Variants in DUOX2 observed in about 807,000 individuals in gnomAD.
DUOX2 encodes the protein NADH/NADPH thyroid oxidase p138-tox.
DUOX2 carries 185 observed loss-of-function variants against 183.3 expected under a neutral mutation model. The ratio of observed to expected loss-of-function variants is 1.01; its 90% CI spans 0.90 to 1.14. DUOX2 has a LOEUF of 1.14. DUOX2 is among the 50% of genes most tolerant of loss of function. The pLI, the probability that DUOX2 is intolerant of heterozygous loss-of-function variation, is 0.00. For missense variants in DUOX2, 1,999 were observed against 2,022.9 expected, an observed-to-expected ratio of 0.99 and a Z score of 0.23; for synonymous variants, 788 against 812.4, an observed-to-expected ratio of 0.97 and a Z score of 0.51.
At chr15:45,110,380 C>A in intron 9 of DUOX2, 48 bp downstream of exon 9, 7 of 1,557,884 alleles carry the variant, frequency 4.5e-6, no homozygotes, top group Non-Finnish European at 6.1e-6. Flanking sequence ...GCAGCTCATT[C>A]TGCACCTTTC....
rs1444264772 is a variant in DUOX2, at chr15:45,095,769, G to A, written c.4080+59C>T. On this transcript the variant is annotated intron_variant, in intron 30 of 33. Transcript: ENST00000389039. ...GAGCTTCTAGTCTCAGGATAGGGAA[G>A]GGCAGAGATCCTCTGCCAGTGCCAG... The A allele has an allele frequency of 3.9e-6, 6 of 1,556,040 alleles. No individual in the cohort carries two copies. In the Admixed American group the frequency reaches 5.1e-5, roughly 13 times the overall value.
At position 45,111,974 on chromosome 15, in the gene DUOX2, A is replaced by G. The variant is rs1297822494; in HGVS notation, c.326-19T>C. ...TGGTAGCCTGCGGGCATGGGGCGCC[A>G]ATACGTGACAAACCGTCCGTATTGC... On this transcript the variant is annotated intron_variant, in intron 4 of 33. Transcript: ENST00000389039. 7.4e-6 allele frequency: 12 copies of G among 1,612,246 alleles called. No individual in the cohort carries two copies. Among genetic ancestry groups the G allele is most frequent in the Non-Finnish European group, 1.0e-5 (12 of 1,179,496 alleles).
chr15:45,112,619 G>C lies in DUOX2; in HGVS notation c.260C>G (p.Ala87Gly), dbSNP rs771811082. ...QLPNPRRLSN[A>G]ATRGIAGLPS... Reference sequence around the variant, plus strand: ...CAGGCCGGCTATGCCCCGCGTGGCTGCGTTGCTGAGCCGGCGCGGGTTGGG... The same window carrying C: ...CAGGCCGGCTATGCCCCGCGTGGCTCCGTTGCTGAGCCGGCGCGGGTTGGG... Residue 87 changes from alanine (A) to glycine (G), a missense_variant, in exon 4 of 34, where the codon GCA (alanine) becomes GGA (glycine). Ala to Gly is a moderately conservative substitution (Grantham distance 60). Coordinates refer to ENST00000389039, the MANE Select transcript of DUOX2 (RefSeq NM_001363711.2). The C allele has an allele frequency of 1.2e-6, 2 of 1,612,852 alleles. No individual in the cohort carries two copies. Among genetic ancestry groups the C allele is most frequent in the Non-Finnish European group, 1.7e-6 (2 of 1,179,806 alleles).
In DUOX2 at chr15:45,110,509, AGGAAAGGAC is replaced by A. The variant is rs1566977610; in HGVS notation, c.950_958del (p.Arg317_Phe319del). ...AAATTCCGGGGAGATGCTGGGGTCT[AGGAAAGGAC>A]GGTATCCTGCAGGAAGGAGACGGTG... On this transcript the variant is annotated inframe_deletion, in exon 9 of 34. Transcript: ENST00000389039. The A allele has an allele frequency of 2.5e-6, 4 of 1,614,160 alleles. No homozygotes were observed. Among genetic ancestry groups the A allele is most frequent in the Non-Finnish European group, 3.4e-6 (4 of 1,180,016 alleles).
chr15:45,097,979 G>A lies in DUOX2; in HGVS notation c.3565+30C>T, dbSNP rs374484023. On this transcript the variant is annotated intron_variant, in intron 27 of 33. Coordinates refer to ENST00000389039, the MANE Select transcript of DUOX2 (RefSeq NM_001363711.2). ...ATGGAGACAAAAGCAGAAGTCCTCA[G>A]ACAGAACCCCCAGGTCCCACGTTTC... The A allele has an allele frequency of 2.7e-5, 43 of 1,611,830 alleles. 1 individual carries two copies. In the African/African-American group the frequency reaches 4.5e-4, roughly 17 times the overall value.
intron 10 of DUOX2, 36 bp from the exon 11 acceptor site, chr15:45,109,662 C>T (rs1344161229): frequency 6.2e-7 from 1 of 1,605,748 alleles, no homozygotes; most frequent in Admixed American, 1.7e-5. Context: ...TAGGCCTCTA[C>T]CCAAAACTCG....
intron 10 of DUOX2, 71 bp from the exon 11 acceptor site, chr15:45,109,697 A>G (rs1894326045): frequency 1.3e-6 from 2 of 1,516,906 alleles, no homozygotes; most frequent in Middle Eastern, 1.7e-4. Context: ...GGACCACTTT[A>G]GTACCCCAGG....
intron 9 of DUOX2, 25 bp from the exon 10 acceptor site, chr15:45,110,005 G>T: frequency 6.2e-7 from 1 of 1,608,658 alleles, no homozygotes; most frequent in Non-Finnish European, 8.5e-7. Context: ...AAAGGATGTG[G>T]TGAGGGAATT....
rs747602398 is a variant in DUOX2 at position 45,099,688 on chromosome 15, A to G, written c.3389T>C (p.Ile1130Thr). 2.5e-6 allele frequency: 4 copies of G among 1,614,052 alleles called. No individual in the cohort carries two copies. In the African/African-American group the frequency reaches 5.3e-5, roughly 22 times the overall value. Residue 1130 changes from isoleucine (I) to threonine (T), a missense_variant, in exon 25 of 34, where the codon ATC becomes ACC. By Grantham distance (89) the Ile-to-Thr change is moderately conservative. Around this residue, in one of 3 missense-constraint regions of DUOX2, gnomAD observed 1,628 missense variants for 1,608.6 expected, o/e 1.01. Coordinates refer to ENST00000389039, the MANE Select transcript of DUOX2 (RefSeq NM_001363711.2). Reference protein sequence around the residue: ...FDAAVDFHRWIAMAAVVLAIL... With the variant: ...FDAAVDFHRWTAMAAVVLAIL... The stretch of plus-strand genomic sequence containing the variant: ...GGCCAGGACAACAGCAGCCATGGCG[A>G]TCCAGCGGTGGAAGTCCACTGCGGC...
Position 45,094,980 on chromosome 15 carries a change from C to T in DUOX2, c.4351G>A (p.Val1451Ile). Residue 1451 changes from valine to isoleucine, a missense_variant, in exon 32 of 34, where the codon GTC becomes ATC. Coordinates refer to ENST00000389039, the MANE Select transcript of DUOX2 (RefSeq NM_001363711.2). ...TCGAACTTCTCAGCCAGCTGGGTGA[C>T]ATAAATGTGCACAGACACCAGGTCC... is the stretch of plus-strand genomic sequence containing the variant. ...HQDLVSVHIY[V>I]TQLAEKFDLR... 1 of 1,614,182 alleles carries T rather than the reference C, an allele frequency of 6.2e-7. No individual in the cohort carries two copies. Among genetic ancestry groups the T allele is most frequent in the Non-Finnish European group, 8.5e-7 (1 of 1,180,026 alleles).
At position 45,098,034 on chromosome 15, in the gene DUOX2, A is replaced by G. The variant is rs745999464; in HGVS notation, c.3540T>C (p.Tyr1180=). ...NDGSKLPQKF[Y]WWFFQTVPGM... is the part of the protein sequence containing the mutation. ...CTGGGACGGTCTGGAAGAACCACCAATAGAACTTCTGGGGAAGCTTGGACC... is the reference window on the plus strand; with the variant it reads ...CTGGGACGGTCTGGAAGAACCACCAGTAGAACTTCTGGGGAAGCTTGGACC... The change falls in exon 27 of 34, where the codon TAT becomes TAC. Residue 1180 remains tyrosine, a synonymous_variant. Coordinates refer to ENST00000389039, the MANE Select transcript of DUOX2 (RefSeq NM_001363711.2). 105 of 1,614,072 alleles carry G rather than the reference A, an allele frequency of 6.5e-5. No individual in the cohort carries two copies. Among genetic ancestry groups the G allele is most frequent in the Admixed American group, 2.2e-4 (13 of 60,008 alleles).
In DUOX2 at chr15:45,111,513, G is replaced by T. The variant is rs1225250491; in HGVS notation, c.586C>A (p.Arg196=). Residue 196 remains arginine (R), a synonymous_variant, in exon 6 of 34, where the codon CGG becomes AGG. Transcript: ENST00000389039. ...GCCAGCTGTCCCCCCGAGAAGCTCCGCAGCGCGTCGCTCCAGGAGTGCGAG... is the reference window on the plus strand; with the variant it reads ...GCCAGCTGTCCCCCCGAGAAGCTCCTCAGCGCGTCGCTCCAGGAGTGCGAG... ...GSSHSWSDAL[R]SFSGGQLASG... 1.9e-6 allele frequency: 3 copies of T among 1,552,018 alleles called. No individual in the cohort carries two copies. Among genetic ancestry groups the T allele is most frequent in the Admixed American group, 1.9e-5 (1 of 51,656 alleles).
At chr15:45,112,836 GGTCTC>G (rs1470930454) in intron 3 of DUOX2, 118 bp from the exon 4 acceptor site, 1 of 1,562,192 alleles carries the variant, frequency 6.4e-7, no homozygotes, top group Non-Finnish European at 8.7e-7. Context: ...TTCCCTCAAG[GGTCTC>G]TTGGCCCCGG....
chr15:45,095,903 T>C lies in DUOX2; in HGVS notation c.4005A>G (p.Ala1335=), dbSNP rs755123065. 1.2e-6 allele frequency: 2 copies of C among 1,613,788 alleles called. No homozygotes were observed. Among genetic ancestry groups the C allele is most frequent in the Non-Finnish European group, 1.7e-6 (2 of 1,179,968 alleles). The part of the protein sequence containing the change: ...HEDTLSLHIR[A]VGPWTTRLRE... ...TGAGGCGAGTGGTCCAGGGCCCCACTGCCCGGATGTGCAGGCTGAGTGTGT... is the reference window on the plus strand; with the variant it reads ...TGAGGCGAGTGGTCCAGGGCCCCACCGCCCGGATGTGCAGGCTGAGTGTGT... The change falls in exon 30 of 34, where the codon GCA becomes GCG. Residue 1335 remains alanine (A), a synonymous_variant. Coordinates refer to ENST00000389039, the MANE Select transcript of DUOX2 (RefSeq NM_001363711.2).
At position 45,106,105 on chromosome 15, in the gene DUOX2, G is replaced by A; in HGVS notation, c.2148+20C>T. 6.2e-7 allele frequency: 1 copy of A among 1,613,890 alleles called. No homozygotes were observed. Among genetic ancestry groups the A allele is most frequent in the East Asian group, 2.2e-5 (1 of 44,874 alleles). ...GTCGTGTGAGGGCAGCCCAGGCTGG[G>A]GAGGCAGGACGAGCCATACCAGGTC... On this transcript the variant is annotated intron_variant, in intron 17 of 33. Coordinates refer to ENST00000389039, the MANE Select transcript of DUOX2 (RefSeq NM_001363711.2).
At chr15:45,111,703 A>G in intron 5 of DUOX2, 65 bp downstream of exon 5, 1 of 1,467,402 alleles carries the variant, frequency 6.8e-7, no homozygotes, top group Non-Finnish European at 9.0e-7. Flanking sequence ...AGGCCCTGCC[A>G]GGCCCGAAGC....
At chr15:45,100,880 G>T in intron 22 of DUOX2, 42 bp from the exon 23 acceptor site, 1 of 1,447,112 alleles carries the variant, frequency 6.9e-7, no homozygotes, top group Non-Finnish European at 9.7e-7. Flanking sequence ...TGTCTTTGCA[G>T]CCAGGAGAAC....
chr15:45,100,983 A>T, intron 22 of DUOX2, 145 bp from the exon 23 acceptor site: 1 of 692,410 alleles, frequency 1.4e-6, no homozygotes, highest in Admixed American at 2.3e-5. Flanking sequence ...GGATCTCATG[A>T]TTTGTTTTGT....
chr15:45,110,766 A>G, intron 7 of DUOX2, 56 bp from the exon 8 acceptor site: 2 of 1,611,272 alleles, frequency 1.2e-6, no homozygotes, highest in African/African-American at 2.7e-5. Context: ...GGGGCCTGGA[A>G]GGGTCTGAGC....
Sources: allele counts gnomAD v4.1 joint callset, GRCh38; gene constraint gnomAD v4.1.1; regional missense constraint gnomAD v4.1.1; transcripts MANE v1.5; gene names NCBI Gene and HGNC (gene_info 2026-07-23, HGNC 2026-07-21).